ZNF469: variants seen among roughly 807,000 people sequenced by gnomAD.
ZNF469 encodes the protein zinc finger protein 469.
ZNF469 carries 1 observed loss-of-function variant against 1.0 expected under a neutral mutation model. That is an observed-to-expected ratio of 1.00 (90% CI 0.35 to 4.73). ZNF469 has a LOEUF of 4.73. ZNF469 is among the 30% of genes most tolerant of loss of function. ZNF469 has a pLI of 0.16. For missense variants in ZNF469, 6,100 were observed against 5,356.3 expected, an observed-to-expected ratio of 1.14 and a Z score of -4.33; for synonymous variants, 2,703 against 2,363.4, an observed-to-expected ratio of 1.14 and a Z score of -4.17.
chr16:88,433,136 C>G lies in ZNF469; in HGVS notation c.5666C>G (p.Pro1889Arg). Reference protein sequence around the residue: ...PSPACVSNTHPSRRSQDPALS... With the variant: ...PSPACVSNTHRSRRSQDPALS... Reference sequence around the variant, plus strand: ...CCCGCCTGTGTATCCAACACCCACCCTAGCAGGAGGTCCCAGGACCCAGCT... The same window carrying G: ...CCCGCCTGTGTATCCAACACCCACCGTAGCAGGAGGTCCCAGGACCCAGCT... Residue 1889 changes from proline to arginine, a missense_variant, in exon 3 of 3, where the codon CCT becomes CGT. Pro to Arg is a moderately radical substitution (Grantham distance 103). Transcript: ENST00000565624. The G allele has an allele frequency of 6.5e-7, 1 of 1,550,320 alleles. No homozygotes were observed. The highest frequency in any genetic ancestry group is 8.7e-7 in the Non-Finnish European group (1 of 1,146,916).
At chr16:88,206,775 T>G in the ZNF469 span, among the ~76,000 whole-genome samples, 2 of 146,132 alleles carry the variant, frequency 1.4e-5, no homozygotes, top group African/African-American at 5.1e-5. Context: ...AGATCCCACT[T>G]GGTATCTCTG....
the ZNF469 span, among the ~76,000 whole-genome samples, chr16:88,319,130 A>G: frequency 4.5e-4 from 69 of 152,176 alleles, no homozygotes; most frequent in African/African-American, 1.5e-3. Context: ...ATGACCGGCC[A>G]CTGTCCTGCG....
At chr16:88,196,938 A>G in the ZNF469 span, among the ~76,000 whole-genome samples, 1 of 152,060 alleles carries the variant, frequency 6.6e-6, no homozygotes, top group Admixed American at 6.5e-5. Flanking sequence ...ATGCCTTGGG[A>G]GGGGTGACTT....
At chr16:88,261,258 G>C in the ZNF469 span, among the ~76,000 whole-genome samples, 3 of 152,340 alleles carry the variant, frequency 2.0e-5, no homozygotes, top group Admixed American at 2.0e-4. The surrounding 1 kb of genome is among the most constrained non-coding windows in gnomAD (Gnocchi z 6.0). Flanking sequence ...AACACTTTGA[G>C]GTTCCTTTTC....
chr16:88,167,996 C>A, the ZNF469 span, among the ~76,000 whole-genome samples: 25 of 152,364 alleles, frequency 1.6e-4, no homozygotes, highest in African/African-American at 5.8e-4. Flanking sequence ...TGCAGTTTGG[C>A]GGGCGGGTCC....
At chr16:88,249,127 C>G in the ZNF469 span, among the ~76,000 whole-genome samples, 1 of 152,102 alleles carries the variant, frequency 6.6e-6, no homozygotes, top group Non-Finnish European at 1.5e-5. Flanking sequence ...ATCCAGTATC[C>G]CATGTCCCAG....
At chr16:88,154,804 G>A in the ZNF469 span, among the ~76,000 whole-genome samples, 1 of 152,184 alleles carries the variant, frequency 6.6e-6, no homozygotes, top group Non-Finnish European at 1.5e-5. Flanking sequence ...CGCAGGCAGG[G>A]ATGTGCACAG....
chr16:88,192,442 G>A, the ZNF469 span, among the ~76,000 whole-genome samples: 8 of 152,192 alleles, frequency 5.3e-5, no homozygotes, highest in Non-Finnish European at 1.2e-4. Context: ...AAGATGACAT[G>A]CGGTAATAAG....
At chr16:88,351,270 G>T in the ZNF469 span, among the ~76,000 whole-genome samples, 401 of 152,306 alleles carry the variant, frequency 2.6e-3, 1 homozygote, top group African/African-American at 9.1e-3. Flanking sequence ...CGGGTCACTG[G>T]GCTGTGTGGG....
the ZNF469 span, among the ~76,000 whole-genome samples, chr16:88,128,292 G>T: frequency 6.6e-6 from 1 of 152,176 alleles, no homozygotes; most frequent in African/African-American, 2.4e-5. Flanking sequence ...GTGATCCTGG[G>T]TAACTTGGGG....
the ZNF469 span, among the ~76,000 whole-genome samples, chr16:88,203,934 A>G: frequency 6.6e-6 from 1 of 152,104 alleles, no homozygotes; most frequent in Non-Finnish European, 1.5e-5. Context: ...GTTTTGAAAT[A>G]GAATCTTAAA....
the ZNF469 span, among the ~76,000 whole-genome samples, chr16:88,132,418 C>T: frequency 6.6e-5 from 10 of 152,236 alleles, no homozygotes; most frequent in African/African-American, 2.4e-4. Flanking sequence ...CAGAGCGCCG[C>T]GTAGCCGGCG....
At chr16:88,117,639 G>T in the ZNF469 span, among the ~76,000 whole-genome samples, 2 of 30,694 alleles carry the variant, frequency 6.5e-5, no homozygotes, top group African/African-American at 4.3e-4. Context: ...TGGACCGTGG[G>T]AAAGTGCCAC....
At chr16:88,418,901 C>T (rs1357438251) in intron 1 of ZNF469, among the ~76,000 whole-genome samples, 2 of 152,234 alleles carry the variant, frequency 1.3e-5, no homozygotes, top group African/African-American at 2.4e-5. Flanking sequence ...GAGGCAGCAG[C>T]GCTGCAGCCC....
the ZNF469 span, among the ~76,000 whole-genome samples, chr16:88,122,509 C>T: frequency 6.6e-6 from 1 of 151,058 alleles, no homozygotes; most frequent in Non-Finnish European, 1.5e-5. Context: ...GGCGGCCACT[C>T]AGATCACACT....
chr16:88,229,872 G>T, the ZNF469 span, among the ~76,000 whole-genome samples: 1 of 152,182 alleles, frequency 6.6e-6, no homozygotes, highest in Non-Finnish European at 1.5e-5. Flanking sequence ...CCCCCAGCAG[G>T]TGCAGCAGGG....
chr16:88,426,463 A>G (rs1226917514), intron 2 of ZNF469, among the ~76,000 whole-genome samples: 1 of 152,270 alleles, frequency 6.6e-6, no homozygotes, highest in East Asian at 1.9e-4. Flanking sequence ...ACAGTCCCGT[A>G]TGTCATGACA....
the ZNF469 span, among the ~76,000 whole-genome samples, chr16:88,243,405 C>G: frequency 3.9e-5 from 6 of 152,202 alleles, no homozygotes; most frequent in African/African-American, 1.4e-4. Flanking sequence ...ATACCCACCC[C>G]TTCTGGAAGT....
the ZNF469 span, among the ~76,000 whole-genome samples, chr16:88,204,076 G>T: frequency 2.1e-5 from 3 of 141,668 alleles, no homozygotes; most frequent in South Asian, 2.2e-4. Context: ...GGAGGTGCCC[G>T]GTAACCCCAT....
Sources: allele counts gnomAD v4.1 joint callset (sites outside exome capture counted in the v4.1 genomes callset), GRCh38; gene constraint gnomAD v4.1.1; non-coding constraint Gnocchi (gnomAD v3.1); transcripts MANE v1.5; gene names NCBI Gene and HGNC (gene_info 2026-07-23, HGNC 2026-07-21).